SGMS1: variants seen among roughly 807,000 people sequenced by gnomAD.
SGMS1 encodes phosphatidylcholine:ceramide cholinephosphotransferase 1.
Under a neutral mutation model 46.2 loss-of-function variants are expected in SGMS1, and 13 were observed. The observed-to-expected ratio is 0.28, with a 90% confidence interval of 0.18 to 0.45. SGMS1 has a LOEUF of 0.45. Ranked by LOEUF, SGMS1 falls within the 20% of genes least tolerant of loss-of-function variation. SGMS1 has a pLI of 1.00. For missense variants in SGMS1, 324 were observed against 519.9 expected, an observed-to-expected ratio of 0.62 and a Z score of 3.66; for synonymous variants, 203 against 187.8, an observed-to-expected ratio of 1.08 and a Z score of -0.66.
At chr10:50,441,463 C>T (rs184164767) in intron 5 of SGMS1, among the ~76,000 whole-genome samples, 4 of 152,310 alleles carry the variant, frequency 2.6e-5, no homozygotes, top group African/African-American at 4.8e-5. Context: ...ACACAAATAA[C>T]TTTAATTCCT....
chr10:50,505,480 G>A (rs1479698765), intron 3 of SGMS1, among the ~76,000 whole-genome samples: 1 of 152,112 alleles, frequency 6.6e-6, no homozygotes, highest in African/African-American at 2.4e-5. Flanking sequence ...GACCTGATAT[G>A]TCAAGTGAAC....
intron 6 of SGMS1, among the ~76,000 whole-genome samples, chr10:50,411,577 A>G (rs1026793624): frequency 1.3e-5 from 2 of 152,222 alleles, no homozygotes; most frequent in Non-Finnish European, 2.9e-5. Flanking sequence ...CATATCTGAG[A>G]AATCAAAGTG....
intron 1 of SGMS1, among the ~76,000 whole-genome samples, chr10:50,615,887 C>T (rs962043987): frequency 1.3e-5 from 2 of 152,170 alleles, no homozygotes; most frequent in Non-Finnish European, 2.9e-5. Flanking sequence ...ACATAGAGTT[C>T]TCTAATTGTT....
At chr10:50,501,444 T>C (rs948343937) in intron 3 of SGMS1, among the ~76,000 whole-genome samples, 2 of 152,236 alleles carry the variant, frequency 1.3e-5, no homozygotes, top group African/African-American at 4.8e-5. Context: ...CATTTTTAAG[T>C]AGGTAGAATG....
At chr10:50,494,802 C>T (rs963034463) in intron 3 of SGMS1, among the ~76,000 whole-genome samples, 3 of 151,894 alleles carry the variant, frequency 2.0e-5, no homozygotes, top group African/African-American at 7.3e-5. Flanking sequence ...TTTGGGAGGC[C>T]GAGGCGGGCG....
intron 2 of SGMS1, among the ~76,000 whole-genome samples, chr10:50,564,962 T>G (rs945016894): frequency 6.6e-6 from 1 of 152,176 alleles, no homozygotes; most frequent in African/African-American, 2.4e-5. Context: ...CTCAGCTGGC[T>G]GCAGGTTTTG....
intron 3 of SGMS1, 44 bp downstream of exon 3, chr10:50,519,787 C>T (rs1407868401): frequency 6.6e-6 from 1 of 152,352 alleles, no homozygotes; most frequent in African/African-American, 2.4e-5. Context: ...AACTTCAGAA[C>T]CATGAGTTCT....
At chr10:50,595,180 CT>C (rs112959244) in intron 1 of SGMS1, among the ~76,000 whole-genome samples, 1,954 of 145,492 alleles carry the variant, frequency 0.013, 25 homozygotes, top group African/African-American at 0.04. Context: ...ATACTGCATT[CT>C]TTTTTTTTTT....
At chr10:50,620,931 CGCA>C (rs1404563642) in intron 1 of SGMS1, among the ~76,000 whole-genome samples, 2 of 152,070 alleles carry the variant, frequency 1.3e-5, no homozygotes, top group Non-Finnish European at 2.9e-5. Context: ...CACCTGTAAT[CGCA>C]GCACTTTGAG....
chr10:50,311,255 G>C lies in SGMS1; in HGVS notation c.895+7C>G. The C allele has an allele frequency of 1.2e-6, 2 of 1,612,150 alleles. No individual in the cohort carries two copies. Among genetic ancestry groups the C allele is most frequent in the Non-Finnish European group, 1.7e-6 (2 of 1,179,138 alleles). ...AGGAAATTACAATGGAAGTCTTTTA[G>C]ACTTACACTCTTTGATAAATAAGTA... On this transcript the variant is annotated splice_region_variant and intron_variant, in intron 9 of 10. Coordinates refer to ENST00000361781, the MANE Select transcript of SGMS1 (RefSeq NM_147156.4).
At chr10:50,618,116 G>T (rs549206426) in intron 1 of SGMS1, among the ~76,000 whole-genome samples, 8 of 152,032 alleles carry the variant, frequency 5.3e-5, no homozygotes, top group African/African-American at 1.9e-4. Flanking sequence ...ATGAAGGAAA[G>T]AATACACTGT....
chr10:50,493,383 A>G (rs1440621616), intron 3 of SGMS1, among the ~76,000 whole-genome samples: 1 of 152,234 alleles, frequency 6.6e-6, no homozygotes, highest in African/African-American at 2.4e-5. Flanking sequence ...AACCTAGGCA[A>G]TACCATTCAG....
At chr10:50,559,459 A>G (rs894895515) in intron 2 of SGMS1, among the ~76,000 whole-genome samples, 1 of 152,236 alleles carries the variant, frequency 6.6e-6, no homozygotes, top group Non-Finnish European at 1.5e-5. Flanking sequence ...TGAAGAAGAG[A>G]AAGAATTAAA....
intron 2 of SGMS1, among the ~76,000 whole-genome samples, chr10:50,562,383 C>A (rs564140357): frequency 5.9e-5 from 9 of 151,974 alleles, no homozygotes; most frequent in Non-Finnish European, 1.0e-4. Flanking sequence ...CACACTCACA[C>A]ACGGGCGCGC....
rs1349146113 is a variant in SGMS1, at chr10:50,318,873, T to A, written c.742-7458A>T. 2.6e-5 allele frequency among the ~76,000 whole-genome samples: 4 copies of A among 152,162 alleles called. No homozygotes were observed. In the East Asian group the frequency reaches 7.7e-4, roughly 29 times the overall value. Reference sequence around the variant, plus strand: ...ACTTGTTTTAGGGATAGGGGGTGTCTCTAAGCAATTATCAGCAATAAAACA... The same window carrying A: ...ACTTGTTTTAGGGATAGGGGGTGTCACTAAGCAATTATCAGCAATAAAACA... On this transcript the variant is annotated intron_variant, in intron 8 of 10. Transcript: ENST00000361781.
intron 2 of SGMS1, among the ~76,000 whole-genome samples, chr10:50,549,791 G>A (rs976296424): frequency 6.6e-6 from 1 of 152,154 alleles, no homozygotes; most frequent in East Asian, 1.9e-4. Context: ...GTAGTCACAT[G>A]TGTTCTCCCA....
At chr10:50,617,420 A>AGG (rs1838808488) in intron 1 of SGMS1, among the ~76,000 whole-genome samples, 1 of 152,202 alleles carries the variant, frequency 6.6e-6, no homozygotes. Flanking sequence ...CTGGGGACAA[A>AGG]GGGATTACAA....
intron 2 of SGMS1, among the ~76,000 whole-genome samples, chr10:50,533,276 A>G (rs752675054): frequency 6.6e-6 from 1 of 152,170 alleles, no homozygotes; most frequent in Non-Finnish European, 1.5e-5. Context: ...TTTTAGGTTT[A>G]CTTTTTTTGT....
intron 6 of SGMS1, among the ~76,000 whole-genome samples, chr10:50,406,704 C>CTTTTTTTTTTTTTTTTTTTTTTTTT (rs11424535): frequency 6.9e-6 from 1 of 145,034 alleles, no homozygotes; most frequent in Non-Finnish European, 1.5e-5. Flanking sequence ...AGCTATAATT[C>CTTTTTTTTTTTTTTTTTTTTTTTTT]TTTTTTTTTT....
Sources: gnomAD v4.1 joint callset for allele counts (sites outside exome capture counted in the v4.1 genomes callset) on GRCh38, gnomAD v4.1.1 for gene constraint, MANE v1.5 for transcripts, NCBI Gene and HGNC (gene_info 2026-07-23, HGNC 2026-07-21) for gene names.